Variants in KCNMA1 observed in about 807,000 individuals in gnomAD.
KCNMA1 encodes potassium calcium-activated channel subfamily M alpha 1, also known as Calcium-activated potassium channel subunit alpha-1.
In KCNMA1, 29 loss-of-function variants were observed where a neutral mutation model predicts 140.0. That is an observed-to-expected ratio of 0.21 (90% confidence interval 0.15 to 0.28). KCNMA1 has a LOEUF of 0.28. Ranked by LOEUF, KCNMA1 falls within the 10% of genes least tolerant of loss-of-function variation. KCNMA1 has a pLI of 1.00. For missense variants in KCNMA1, 880 were observed against 1,602.2 expected (o/e 0.55, Z 7.70); for synonymous variants, 612 against 611.9 (o/e 1.00, Z 0.00).
intron 5 of KCNMA1, among the ~76,000 whole-genome samples, chr10:77,170,633 C>T (rs2098695817): frequency 1.3e-5 from 2 of 152,298 alleles, no homozygotes; most frequent in South Asian, 4.1e-4. Flanking sequence ...GGCCTGGGAC[C>T]TCCCTCCGCC....
intron 16 of KCNMA1, 24 bp downstream of exon 16, chr10:77,027,799 G>A (rs1276839042): frequency 6.2e-7 from 1 of 1,605,136 alleles, no homozygotes; most frequent in Non-Finnish European, 8.5e-7. Flanking sequence ...GTGTCAGCTG[G>A]CTGCTGGGTC....
intron 1 of KCNMA1, among the ~76,000 whole-genome samples, chr10:77,557,025 A>G (rs1023593383): frequency 1.3e-5 from 2 of 152,170 alleles, no homozygotes; most frequent in African/African-American, 4.8e-5. Context: ...TCCCTTGGAT[A>G]ATGCTGGCAA....
intron 5 of KCNMA1, among the ~76,000 whole-genome samples, chr10:77,166,361 T>C (rs2154089986): frequency 6.6e-6 from 1 of 152,260 alleles, no homozygotes; most frequent in African/African-American, 2.4e-5. Flanking sequence ...CTGTTTGGTG[T>C]TATAGGCAGA....
chr10:77,326,575 T>C (rs2084309516), intron 2 of KCNMA1, among the ~76,000 whole-genome samples: 1 of 152,138 alleles, frequency 6.6e-6, no homozygotes, highest in South Asian at 2.1e-4. Flanking sequence ...CTGTTTTATA[T>C]TGCAAGACCC....
intron 19 of KCNMA1, among the ~76,000 whole-genome samples, chr10:76,988,697 C>T (rs1300358890): frequency 6.6e-6 from 1 of 152,072 alleles, no homozygotes; most frequent in Non-Finnish European, 1.5e-5. Flanking sequence ...AATTTGCTGA[C>T]GATCTCCAGA....
intron 2 of KCNMA1, among the ~76,000 whole-genome samples, chr10:77,358,105 T>C (rs1315180533): frequency 1.3e-5 from 2 of 152,046 alleles, no homozygotes; most frequent in Admixed American, 1.3e-4. Context: ...CTTCAAGCAG[T>C]GGGGGATGTT....
chr10:77,498,157 G>A (rs772163734), intron 1 of KCNMA1, among the ~76,000 whole-genome samples: 11 of 152,196 alleles, frequency 7.2e-5, no homozygotes, highest in Admixed American at 1.3e-4. Flanking sequence ...TTTGCTCCCT[G>A]AGAAGCGGCA....
chr10:77,342,569 C>G (rs2091197970), intron 2 of KCNMA1, among the ~76,000 whole-genome samples: 1 of 152,204 alleles, frequency 6.6e-6, no homozygotes, highest in Non-Finnish European at 1.5e-5. Context: ...AGAATCAGCT[C>G]AAGCTCACCT....
Position 77,001,572 on chromosome 10 carries a change from A to G in KCNMA1, c.2101T>C (p.Ser701Pro), listed in dbSNP as rs78236929. ...KKCGCKRPKM[S>P]IYKRMRRACC... is the part of the protein sequence containing the mutation. ...GCCCGTCTCATTCTCTTGTAGATGGACATCTTGGCTATAACCGTGTGGTTG... is the reference window on the plus strand; with the variant it reads ...GCCCGTCTCATTCTCTTGTAGATGGGCATCTTGGCTATAACCGTGTGGTTG... The change falls in exon 19 of 28, where the codon TCC (serine) becomes CCC (proline). Residue 701 changes from serine to proline, a missense_variant. By Grantham distance (74) the Ser-to-Pro change is moderately conservative (BLOSUM62 -1). Coordinates refer to ENST00000286628, the MANE Select transcript of KCNMA1 (RefSeq NM_001161352.2). The G allele has an allele frequency of 6.4e-7, 1 of 1,551,450 alleles. No individual in the cohort carries two copies. The highest frequency in any genetic ancestry group is 1.2e-5 in the South Asian group (1 of 84,026).
chr10:77,628,345 C>G (rs1462673518), intron 1 of KCNMA1, among the ~76,000 whole-genome samples: 1 of 152,198 alleles, frequency 6.6e-6, no homozygotes, highest in African/African-American at 2.4e-5. Context: ...TGGAAATTAA[C>G]TTCACTTCAA....
At chr10:77,516,313 C>A (rs1456995001) in intron 1 of KCNMA1, among the ~76,000 whole-genome samples, 1 of 152,028 alleles carries the variant, frequency 6.6e-6, no homozygotes, top group African/African-American at 2.4e-5. Context: ...CTCCCCTTAA[C>A]AAAGAGCTTT....
At chr10:77,395,311 A>G (rs2096007676) in intron 2 of KCNMA1, among the ~76,000 whole-genome samples, 1 of 152,064 alleles carries the variant, frequency 6.6e-6, no homozygotes, top group Non-Finnish European at 1.5e-5. Context: ...GATTGCACCA[A>G]TGCACTCCAG....
chr10:77,372,464 G>A (rs1374509233), intron 2 of KCNMA1, among the ~76,000 whole-genome samples: 1 of 152,112 alleles, frequency 6.6e-6, no homozygotes, highest in Non-Finnish European at 1.5e-5. Context: ...ACGGGTCTTG[G>A]AAATCCCAGT....
At chr10:77,041,203 C>T (rs1460650990) in intron 14 of KCNMA1, among the ~76,000 whole-genome samples, 35 of 588 alleles carry the variant, frequency 0.06, no homozygotes, top group African/African-American at 0.12. Context: ...CTCGCTCTGT[C>T]GCCCAGGCTG....
intron 6 of KCNMA1, among the ~76,000 whole-genome samples, chr10:77,114,845 C>T (rs1453141541): frequency 6.6e-6 from 1 of 152,204 alleles, no homozygotes; most frequent in Admixed American, 6.5e-5. Context: ...CTTGCATTTT[C>T]CCAGTAGTGG....
downstream of KCNMA1, among the ~76,000 whole-genome samples, chr10:76,883,709 CCTTA>C (rs1323244976): frequency 1.4e-5 from 2 of 146,654 alleles, no homozygotes; most frequent in Non-Finnish European, 3.0e-5. Flanking sequence ...CACTTTCTAC[CCTTA>C]CTTCCTTGTT....
intron 2 of KCNMA1, among the ~76,000 whole-genome samples, chr10:77,269,791 G>A (rs1024595504): frequency 6.6e-6 from 1 of 152,174 alleles, no homozygotes; most frequent in African/African-American, 2.4e-5. Flanking sequence ...GTCCCCACTT[G>A]AGTGACCCTG....
intron 16 of KCNMA1, among the ~76,000 whole-genome samples, chr10:77,027,022 A>AAT (rs2093519828): frequency 6.6e-6 from 1 of 152,208 alleles, no homozygotes; most frequent in African/African-American, 2.4e-5. Flanking sequence ...GTCATTTCAG[A>AAT]GAACAAAAGC....
At chr10:77,511,773 G>A (rs1176887191) in intron 1 of KCNMA1, among the ~76,000 whole-genome samples, 2 of 152,168 alleles carry the variant, frequency 1.3e-5, no homozygotes, top group Admixed American at 6.5e-5. Flanking sequence ...TGTCATGGGC[G>A]AATGCAGGCT....
Sources: allele counts gnomAD v4.1 joint callset (sites outside exome capture counted in the v4.1 genomes callset), GRCh38; gene constraint gnomAD v4.1.1; transcripts MANE v1.5; gene names NCBI Gene and HGNC (gene_info 2026-07-23, HGNC 2026-07-21).